The following LCN8 variants were observed in gnomAD, a reference collection of about 807,000 sequenced individuals.
The protein encoded by LCN8 is epididymal-specific lipocalin-8.
LCN8 carries 16 observed loss-of-function variants against 22.8 expected under a neutral mutation model. The observed-to-expected ratio is 0.70, with a 90% confidence interval of 0.47 to 1.06. The LOEUF is 1.06. LCN8 is among the 50% of genes least tolerant of loss of function. LCN8 has a pLI of 0.00. For synonymous variants in LCN8, 92 were observed against 83.4 expected, an observed-to-expected ratio of 1.10 and a Z score of -0.56; for missense variants, 189 against 203.3, an observed-to-expected ratio of 0.93 and a Z score of 0.43.
intron 6 of LCN8, chr9:136,754,798 A>G (rs941093858): frequency 3.6e-6 from 5 of 1,373,674 alleles, no homozygotes; most frequent in Non-Finnish European, 4.7e-6. Flanking sequence ...CTTCGGGGGC[A>G]GAAGCAGCCG....
rs972564061 is a variant in LCN8 at position 136,755,044 on chromosome 9, A to G, written c.447+91T>C. ...TGAGAAGGCCCAGCCCAGGGCCGGG[A>G]GGCGGAGCCACGGGGGCTCCTGACA... On this transcript the variant is annotated intron_variant, in intron 6 of 6. Transcript: ENST00000371688. 3.5e-6 allele frequency: 5 copies of G among 1,444,862 alleles called. No individual in the cohort carries two copies. In the African/African-American group the frequency reaches 4.3e-5, roughly 12 times the overall value. The allele number at this position is 1,444,862 out of a possible 1,614,324, so 89.5% of individuals were successfully genotyped here.
intron 3 of LCN8, chr9:136,756,217 G>C (rs1025599498): frequency 9.1e-7 from 1 of 1,097,990 alleles, no homozygotes; most frequent in Admixed American, 2.9e-5. Context: ...ACAGCATGGG[G>C]AACAGTGCAG....
Position 136,755,209 on chromosome 9 carries a change from C to T in LCN8, c.421+35G>A, listed in dbSNP as rs748819434. The T allele has an allele frequency of 1.9e-6, 3 of 1,610,048 alleles. No homozygotes were observed. The Admixed American group carries it at 5.0e-5, about 27-fold the overall frequency. On this transcript the variant is annotated intron_variant, in intron 5 of 6. Transcript: ENST00000371688. ...AGCTGCAGAGTCAGCCCACAGGGCCCAGCCCAGCCTCCACCCCAAGGCCCC... is the reference window on the plus strand; with the variant it reads ...AGCTGCAGAGTCAGCCCACAGGGCCTAGCCCAGCCTCCACCCCAAGGCCCC...
At chr9:136,756,743 C>T in intron 2 of LCN8, 151 bp from the exon 3 acceptor site, 1 of 1,216,886 alleles carries the variant, frequency 8.2e-7, no homozygotes, top group Non-Finnish European at 1.1e-6. Context: ...GGGAATGTGC[C>T]AGGTGGGGCC....
chr9:136,756,227 G>A, intron 3 of LCN8: 1 of 1,323,174 alleles, frequency 7.6e-7, no homozygotes, highest in East Asian at 3.4e-5. Context: ...GAACAGTGCA[G>A]GGAACAGTGC....
At position 136,756,995 on chromosome 9, in the gene LCN8, C is replaced by A. The variant is rs368084844; in HGVS notation, c.155+43G>T. ...GCAGCAACCCACGCCCAGTCCCCGG[C>A]CATGCATGCCTCTTCCTCTCCAGCA... On this transcript the variant is annotated intron_variant, in intron 2 of 6. Coordinates refer to ENST00000371688, the MANE Select transcript of LCN8 (RefSeq NM_178469.4). 3.7e-6 allele frequency: 6 copies of A among 1,601,648 alleles called. No homozygotes were observed. The African/African-American group carries it at 8.0e-5, about 21-fold the overall frequency.
In LCN8 at chr9:136,756,611, C is replaced by A. The variant is rs140586572; in HGVS notation, c.156-19G>T. The A allele has an allele frequency of 6.2e-7, 1 of 1,611,884 alleles. No homozygotes were observed. Among genetic ancestry groups the A allele is most frequent in the South Asian group, 1.1e-5 (1 of 91,010 alleles). On this transcript the variant is annotated intron_variant, in intron 2 of 6. Coordinates refer to ENST00000371688, the MANE Select transcript of LCN8 (RefSeq NM_178469.4). ...TCCTGAGCTGAAAGGCAGCAAAGTGCCCATCGGTAAAATGCTAGCCTGTGT... is the reference window on the plus strand; with the variant it reads ...TCCTGAGCTGAAAGGCAGCAAAGTGACCATCGGTAAAATGCTAGCCTGTGT...
In LCN8 at chr9:136,755,122, G is replaced by C. The variant is rs747393324; in HGVS notation, c.447+13C>G. The C allele has an allele frequency of 1.2e-5, 19 of 1,556,498 alleles. No individual in the cohort carries two copies. The highest frequency in any genetic ancestry group is 1.1e-5 in the Non-Finnish European group (13 of 1,150,940). ...GAACTTCAGCACAGGCCAGGGTCGG[G>C]GGTCAGGCTCACCTCCTTCAGGAGC... On this transcript the variant is annotated intron_variant, in intron 6 of 6. Transcript: ENST00000371688.
rs76667997 is a variant in LCN8 at position 136,757,115 on chromosome 9, C to A, written c.78G>T (p.Leu26=). 4.5e-3 allele frequency: 7,226 copies of A among 1,613,502 alleles called. 260 individuals carry two copies. The African/African-American group carries it at 0.085, about 19-fold the overall frequency. ...VGVASDQSLV[L]TAPKRVEGLF... ...AGCCCTCCACCCGCTTCGGGGCCGT[C>A]AGCACCAGGCTTTGATCGGAGGCCA... The change falls in exon 2 of 7, where the codon CTG becomes CTT. Residue 26 remains leucine (L), a synonymous_variant. Transcript: ENST00000371688.
intron 3 of LCN8, 162 bp downstream of exon 3, chr9:136,756,360 G>T (rs559709449): frequency 1.3e-5 from 20 of 1,579,428 alleles, no homozygotes; most frequent in Middle Eastern, 1.7e-4. Flanking sequence ...ACAGCACAGG[G>T]AATAGTTCAG....
Position 136,755,341 on chromosome 9 carries a change from G to A in LCN8, c.332-8C>T. 2 of 1,609,816 alleles carry A rather than the reference G, an allele frequency of 1.2e-6. No homozygotes were observed. The highest frequency in any genetic ancestry group is 1.7e-6 in the Non-Finnish European group (2 of 1,179,934). Reference sequence around the variant, plus strand: ...TGTCCTCAAGGCTCCGAGCTGTGGGGCACAGGGGGGCTGGGCGGGCAGTCC... The same window carrying A: ...TGTCCTCAAGGCTCCGAGCTGTGGGACACAGGGGGGCTGGGCGGGCAGTCC... On this transcript the variant is annotated splice_region_variant and splice_polypyrimidine_tract_variant and intron_variant, in intron 4 of 6. Coordinates refer to ENST00000371688, the MANE Select transcript of LCN8 (RefSeq NM_178469.4).
At position 136,755,902 on chromosome 9, in the gene LCN8, C is replaced by T. The variant is rs563519999; in HGVS notation, c.227-386G>A. On this transcript the variant is annotated intron_variant, in intron 3 of 6. Transcript: ENST00000371688. ...ATGGGGAATAGTGCAGGGAGCAGTG[C>T]GGGGAACAGTGCAGGGAGCATTGCA... The T allele has an allele frequency of 5.0e-5, 64 of 1,272,890 alleles. 1 individual carries two copies. The Admixed American group carries it at 6.6e-4, about 13-fold the overall frequency. The allele number at this position is 1,272,890 out of a possible 1,614,324, so 78.8% of individuals were successfully genotyped here.
At chr9:136,757,886 C>G (rs9411272) in intron 1 of LCN8, 21 bp downstream of exon 1, 1,058,558 of 1,613,344 alleles carry the variant, frequency 0.66, 352,558 homozygotes, top group East Asian at 0.73. Context: ...GGAGCCCCAC[C>G]AACTAAGAAG....
intron 6 of LCN8, 23 bp from the exon 7 acceptor site, chr9:136,754,532 C>T (rs1003264459): frequency 2.6e-6 from 4 of 1,550,842 alleles, no homozygotes; most frequent in Non-Finnish European, 3.5e-6. Flanking sequence ...AGTGCAGGGG[C>T]TCAGGCCCGT....
Position 136,758,202 on chromosome 9 carries a change from C to G in LCN8, c.-272G>C. On this transcript the variant is annotated 5_prime_UTR_variant, in exon 1 of 7. Transcript: ENST00000371688. ...GGGTTAGCCTGGCCTAGACAGCAGC[C>G]TGCCCAGCCACCCTCCTGGCATATG... is the stretch of plus-strand genomic sequence containing the variant. The G allele has an allele frequency of 7.2e-7, 1 of 1,383,336 alleles. No individual in the cohort carries two copies. The highest frequency in any genetic ancestry group is 9.4e-7 in the Non-Finnish European group (1 of 1,067,798). 85.7% of individuals were successfully genotyped at this position (1,383,336 alleles called of 1,614,324 possible).
chr9:136,756,453 G>C (rs1045157124), intron 3 of LCN8, 69 bp downstream of exon 3: 2 of 1,613,460 alleles, frequency 1.2e-6, no homozygotes, highest in Admixed American at 1.7e-5. Flanking sequence ...GGAACAGCAT[G>C]GGGAACAATA....
rs1304727207 is a variant in LCN8, at chr9:136,755,411, C to T, written c.331+1G>A. The T allele has an allele frequency of 1.2e-6, 2 of 1,611,510 alleles. No individual in the cohort carries two copies. Among genetic ancestry groups the T allele is most frequent in the African/African-American group, 1.3e-5 (1 of 74,942 alleles). Reference sequence around the variant, plus strand: ...GCAGAGCCCCCCAGGGCCAAGCTTACTAAAGTACTTGAGGACGCGAAAGTT... The same window carrying T: ...GCAGAGCCCCCCAGGGCCAAGCTTATTAAAGTACTTGAGGACGCGAAAGTT... On this transcript the variant is annotated splice_donor_variant, in intron 4 of 6. Coordinates refer to ENST00000371688, the MANE Select transcript of LCN8 (RefSeq NM_178469.4). LOFTEE classifies it high-confidence loss of function.
intron 1 of LCN8, chr9:136,757,552 G>C: frequency 7.3e-7 from 1 of 1,376,324 alleles, no homozygotes; most frequent in Non-Finnish European, 9.4e-7. Context: ...AAACGCCAGA[G>C]AACAGGTGGC....
chr9:136,758,496 G>A (rs975519024), upstream of LCN8: 4 of 991,880 alleles, frequency 4.0e-6, no homozygotes, highest in South Asian at 4.6e-5. Context: ...CAGCGCCAGC[G>A]ACCAGAGTGA....
Sources: allele counts gnomAD v4.1 joint callset, GRCh38; gene constraint gnomAD v4.1.1; transcripts MANE v1.5; gene names NCBI Gene and HGNC (gene_info 2026-07-23, HGNC 2026-07-21).